Variants in TBCD observed in about 807,000 individuals in gnomAD.
TBCD encodes the protein tubulin-specific chaperone D.
TBCD carries 105 observed loss-of-function variants against 169.3 expected under a neutral mutation model. The ratio of observed to expected loss-of-function variants is 0.62; its 90% CI spans 0.53 to 0.73. TBCD has a LOEUF of 0.73. Ranked by LOEUF, TBCD falls within the 30% of genes least tolerant of loss-of-function variation. The probability of loss-of-function intolerance (pLI) is 0.00; values close to 1 mark genes in which losing one functional copy is unlikely to be tolerated. For missense variants in TBCD, 1,444 were observed against 1,600.1 expected (o/e 0.90, Z 1.66); for synonymous variants, 700 against 643.9 (o/e 1.09, Z -1.32).
intron 13 of TBCD, among the ~76,000 whole-genome samples, chr17:82,834,977 C>T (rs2053844912): frequency 6.6e-6 from 1 of 152,088 alleles, no homozygotes; most frequent in South Asian, 2.1e-4. Flanking sequence ...GTGGGAGGAT[C>T]CCTTGAGCCC....
intron 6 of TBCD, among the ~76,000 whole-genome samples, chr17:82,778,539 A>G (rs1203533410): frequency 6.6e-6 from 1 of 151,358 alleles, no homozygotes; most frequent in African/African-American, 2.4e-5. Flanking sequence ...GTTTACTGCA[A>G]CCTCCATCTC....
At chr17:82,909,393 T>G in intron 22 of TBCD, 86 bp downstream of exon 22, 1 of 1,146,968 alleles carries the variant, frequency 8.7e-7, no homozygotes, top group Non-Finnish European at 1.3e-6. Context: ...GTGTGTTCGC[T>G]TCCCTCTCTG....
In TBCD at chr17:82,929,255, G is replaced by A. The variant is rs752561485; in HGVS notation, c.2836G>A (p.Glu946Lys). ...CCACGTGCCCCACCGAGGAGAACTG[G>A]AAAAGCTGTTTCCCAGGTACTGTCG... is the stretch of plus-strand genomic sequence containing the variant. ...IPHVPHRGEL[E>K]KLFPRSDVAS... The change falls in exon 31 of 39, where the codon GAA becomes AAA. Residue 946 changes from glutamate (E) to lysine (K), a missense_variant. Glu to Lys is a moderately conservative substitution (Grantham distance 56, BLOSUM62 1). Coordinates refer to ENST00000355528, the MANE Select transcript of TBCD (RefSeq NM_005993.5). The A allele has an allele frequency of 3.1e-6, 5 of 1,613,860 alleles. No individual in the cohort carries two copies. In the South Asian group the frequency reaches 5.5e-5, roughly 18 times the overall value.
chr17:82,881,636 G>A (rs983747324), intron 14 of TBCD, among the ~76,000 whole-genome samples: 7 of 152,232 alleles, frequency 4.6e-5, no homozygotes, highest in African/African-American at 4.8e-5. Context: ...GTTGGTGGCC[G>A]TGTTTTGGGC....
intron 7 of TBCD, among the ~76,000 whole-genome samples, chr17:82,792,335 A>G (rs906250241): frequency 1.3e-5 from 2 of 149,950 alleles, no homozygotes; most frequent in African/African-American, 4.9e-5. Context: ...TTATATGTAT[A>G]TACACACGTG....
intron 2 of TBCD, among the ~76,000 whole-genome samples, chr17:82,758,817 G>A (rs886481618): frequency 3.3e-5 from 5 of 151,544 alleles, no homozygotes; most frequent in African/African-American, 1.2e-4. Flanking sequence ...GTGCTACCAC[G>A]CCTGGCTAAT....
intron 13 of TBCD, among the ~76,000 whole-genome samples, chr17:82,822,658 G>A (rs1355116813): frequency 6.6e-6 from 1 of 152,162 alleles, no homozygotes; most frequent in Non-Finnish European, 1.5e-5. Flanking sequence ...GAGCGAGGGA[G>A]AGTGAGGCCA....
chr17:82,920,314 C>A lies in TBCD; in HGVS notation c.2039-242C>A. On this transcript the variant is annotated intron_variant, in intron 23 of 38. Transcript: ENST00000355528. The surrounding 1 kb of genome is among the most constrained non-coding windows in gnomAD (Gnocchi z 4.1). ...GCACGTGGGCTCACACATGGGCCTT[C>A]TGCCACGTGGCTGGGTCTGCAGCAC... 1.7e-6 allele frequency: 1 copy of A among 574,698 alleles called. No homozygotes were observed. Among genetic ancestry groups the A allele is most frequent in the African/African-American group, 1.9e-5 (1 of 53,226 alleles). 35.6% of individuals were successfully genotyped at this position (574,698 alleles called of 1,614,324 possible).
intron 37 of TBCD, among the ~76,000 whole-genome samples, chr17:82,940,219 G>A (rs62076115): frequency 0.12 from 11,329 of 94,588 alleles, 849 homozygotes; most frequent in African/African-American, 0.24. Context: ...ACTTGCACGC[G>A]CGCACACACA....
rs571379247 is a variant in TBCD at position 82,942,347 on chromosome 17, C to T, written c.3565-102C>T. The T allele has an allele frequency of 7.6e-5, 117 of 1,535,968 alleles. No individual in the cohort carries two copies. In the East Asian group the frequency reaches 8.1e-4, roughly 11 times the overall value. The stretch of plus-strand genomic sequence containing the variant: ...GGCACAAATGGTTTCCTGCAGGAAC[C>T]GTGTCAGTCCCCACACAGGGCCCAG... On this transcript the variant is annotated intron_variant, in intron 38 of 38. Coordinates refer to ENST00000355528, the MANE Select transcript of TBCD (RefSeq NM_005993.5).
intron 3 of TBCD, 31 bp from the exon 4 acceptor site, chr17:82,766,234 AAT>A: frequency 6.4e-7 from 1 of 1,557,208 alleles, no homozygotes; most frequent in Non-Finnish European, 8.7e-7. Context: ...TGTATTTTTA[AAT>A]GTTATAATTC....
chr17:82,846,312 C>CGTCCCCTGTGCCGTGTCCTCTT (rs1555613078), intron 13 of TBCD, among the ~76,000 whole-genome samples: 8 of 113,816 alleles, frequency 7.0e-5, no homozygotes, highest in Non-Finnish European at 1.0e-4. Context: ...CCACGTGCTG[C>CGTCCCCTGTGCCGTGTCCTCTT]GTCCAGCGTG....
chr17:82,763,307 CT>C (rs777851808), intron 2 of TBCD, among the ~76,000 whole-genome samples: 16 of 152,164 alleles, frequency 1.1e-4, no homozygotes, highest in Admixed American at 4.6e-4. Flanking sequence ...GATGGTAATG[CT>C]TGTTCTGACA....
chr17:82,828,241 GAT>G (rs1387368589), intron 13 of TBCD, among the ~76,000 whole-genome samples: 1 of 99,922 alleles, frequency 1.0e-5, no homozygotes, highest in East Asian at 3.0e-4. Context: ...GCCCCCCACA[GAT>G]ATGCACATGT....
chr17:82,805,968 C>T lies in TBCD; in HGVS notation c.1044C>T (p.Asp348=), dbSNP rs200560397. ...AGCCACTCATCCTGACCGAAGATGA[C>T]GACGAAGATGACGACGTCCCAGAGG... is the stretch of plus-strand genomic sequence containing the variant. ...EQKPLILTED[D]DEDDDVPEGV... is the part of the protein sequence containing the mutation. The change falls in exon 10 of 39, where the codon GAC becomes GAT. Residue 348 remains aspartate, a synonymous_variant. Coordinates refer to ENST00000355528, the MANE Select transcript of TBCD (RefSeq NM_005993.5). 1.5e-3 allele frequency: 2,440 copies of T among 1,613,460 alleles called. 7 individuals are homozygous for T. Among genetic ancestry groups the T allele is most frequent in the South Asian group, 2.5e-3 (231 of 91,064 alleles).
In TBCD at chr17:82,782,796, G is replaced by A. The variant is rs140606574; in HGVS notation, c.771+1075G>A. On this transcript the variant is annotated intron_variant, in intron 7 of 38. Transcript: ENST00000355528. This position sits in a 1 kb window ranked among gnomAD's most constrained non-coding sequence, Gnocchi z 5.1. ...GCGGCGTTGTCTTCCTGTCTGTGGC[G>A]TCGTCCTGTCTGCGGTGGCGTCGTC... 5.8e-4 allele frequency among the ~76,000 whole-genome samples: 87 copies of A among 149,334 alleles called. No homozygotes were observed. In the East Asian group the frequency reaches 0.013, roughly 23 times the overall value.
At chr17:82,894,399 A>C (rs2059345436) in intron 17 of TBCD, among the ~76,000 whole-genome samples, 1 of 152,114 alleles carries the variant, frequency 6.6e-6, no homozygotes, top group Admixed American at 6.5e-5. Context: ...GAAGTGATTT[A>C]TTTGCCTTAA....
rs2053897940 is a variant in TBCD at position 82,835,572 on chromosome 17, A to G, written c.1318+20638A>G. Reference sequence around the variant, plus strand: ...CTAGTAGCTGGGATTACAGGTGCCTACCACCACGCCCAGCTAATTTTTTTG... The same window carrying G: ...CTAGTAGCTGGGATTACAGGTGCCTGCCACCACGCCCAGCTAATTTTTTTG... On this transcript the variant is annotated intron_variant, in intron 13 of 38. Transcript: ENST00000355528. The surrounding 1 kb of genome is among the most constrained non-coding windows in gnomAD (Gnocchi z 4.5). 1.3e-5 allele frequency among the ~76,000 whole-genome samples: 2 copies of G among 151,720 alleles called. No homozygotes were observed. Among genetic ancestry groups the G allele is most frequent in the African/African-American group, 2.4e-5 (1 of 41,294 alleles).
At chr17:82,808,058 C>T (rs964329564) in intron 11 of TBCD, among the ~76,000 whole-genome samples, 1 of 152,228 alleles carries the variant, frequency 6.6e-6, no homozygotes, top group African/African-American at 2.4e-5. Context: ...GCCAGTCCCT[C>T]ATTCACCCCT....
Sources: gnomAD v4.1 joint callset for allele counts (sites outside exome capture counted in the v4.1 genomes callset) on GRCh38, gnomAD v4.1.1 for gene constraint, Gnocchi (gnomAD v3.1) non-coding constraint, MANE v1.5 for transcripts, NCBI Gene and HGNC (gene_info 2026-07-23, HGNC 2026-07-21) for gene names.